Variants in OSBPL6 observed in about 807,000 individuals in gnomAD.
The protein encoded by OSBPL6 is oxysterol-binding protein-related protein 6.
Under a neutral mutation model 125.8 loss-of-function variants are expected in OSBPL6, and 49 were observed. The observed-to-expected ratio is 0.39, with a 90% CI of 0.31 to 0.49. The LOEUF (loss-of-function observed/expected upper bound fraction) is 0.49, where lower values mean the gene tolerates loss of function less well. Among genes scored for constraint, OSBPL6 ranks in the 20% least tolerant of loss-of-function variants. The pLI is 0.88. For missense variants in OSBPL6, 986 were observed against 1,135.4 expected (o/e 0.87, Z 1.89); for synonymous variants, 394 against 391.8 (o/e 1.01, Z -0.07).
intron 1 of OSBPL6, among the ~76,000 whole-genome samples, chr2:178,254,761 C>T (rs893341093): frequency 6.6e-6 from 1 of 152,094 alleles, no homozygotes; most frequent in Non-Finnish European, 1.5e-5. Flanking sequence ...AACAGTGCCC[C>T]GAAGTGACTG....
At chr2:178,264,793 T>G (rs2154020173) in intron 1 of OSBPL6, among the ~76,000 whole-genome samples, 1 of 152,276 alleles carries the variant, frequency 6.6e-6, no homozygotes, top group Non-Finnish European at 1.5e-5. Flanking sequence ...TTTTTTAGGA[T>G]TTTGTACTAA....
At chr2:178,205,151 C>T (rs996866264) in intron 1 of OSBPL6, among the ~76,000 whole-genome samples, 8 of 152,166 alleles carry the variant, frequency 5.3e-5, no homozygotes, top group African/African-American at 1.4e-4. Flanking sequence ...CCAATTGGCC[C>T]ATAATGCCTT....
chr2:178,320,456 GA>G, intron 3 of OSBPL6: 5 of 1,536,260 alleles, frequency 3.3e-6, no homozygotes, highest in Non-Finnish European at 4.5e-6. Flanking sequence ...AACTGACCTG[GA>G]AATTAACTTA....
rs2092406194 is a variant in OSBPL6, at chr2:178,273,241, T to C, written c.-350-11686T>C. On this transcript the variant is annotated intron_variant, in intron 1 of 24. Transcript: ENST00000190611. ...TAAGATCATGAAGGATCTCTAATAG[T>C]AGGCTAAGGAATTTCGGCTTTATTC... 2.6e-5 allele frequency among the ~76,000 whole-genome samples: 4 copies of C among 152,168 alleles called. No homozygotes were observed. The South Asian group carries it at 6.2e-4, about 24-fold the overall frequency.
At chr2:178,271,129 A>G (rs1041773294) in intron 1 of OSBPL6, among the ~76,000 whole-genome samples, 2 of 152,202 alleles carry the variant, frequency 1.3e-5, no homozygotes, top group African/African-American at 2.4e-5. Context: ...AAATCAGCCT[A>G]TGACATCAAA....
intron 3 of OSBPL6, chr2:178,320,140 G>A (rs1343880681): frequency 2.9e-5 from 27 of 925,388 alleles, no homozygotes; most frequent in Middle Eastern, 7.0e-4. Context: ...TTCTCTCCGC[G>A]TGAGTTGCAC....
chr2:178,304,959 A>C (rs1177537910), intron 2 of OSBPL6, among the ~76,000 whole-genome samples: 2 of 151,994 alleles, frequency 1.3e-5, no homozygotes, highest in Non-Finnish European at 2.9e-5. Context: ...ATATATCTCC[A>C]TCTTTTTTTG....
rs145266806 is a variant in OSBPL6, at chr2:178,225,358, G to C, written c.-351+30684G>C. ...TCTGCAGATCTCAGACTGAGTATAA[G>C]AGAGATGCAAATTTTACAGTAGTTG... On this transcript the variant is annotated intron_variant, in intron 1 of 24. Coordinates refer to ENST00000190611, the MANE Select transcript of OSBPL6 (RefSeq NM_032523.4). Among the ~76,000 whole-genome samples, 838 of 152,300 alleles carry C rather than the reference G, an allele frequency of 5.5e-3. 8 individuals carry two copies. Among genetic ancestry groups the C allele is most frequent in the African/African-American group, 0.019 (800 of 41,558 alleles).
At chr2:178,281,015 T>A (rs1487871593) in intron 1 of OSBPL6, among the ~76,000 whole-genome samples, 1 of 151,142 alleles carries the variant, frequency 6.6e-6, no homozygotes, top group Non-Finnish European at 1.5e-5. Context: ...TTTGACTTTT[T>A]TTTTTTTTTT....
intron 1 of OSBPL6, among the ~76,000 whole-genome samples, chr2:178,204,424 T>C (rs766890756): frequency 6.6e-6 from 1 of 152,218 alleles, no homozygotes; most frequent in Non-Finnish European, 1.5e-5. Context: ...TTTTCTGAAC[T>C]GTCAGCTCAA....
At chr2:178,217,473 C>T (rs1158815968) in intron 1 of OSBPL6, among the ~76,000 whole-genome samples, 1 of 152,106 alleles carries the variant, frequency 6.6e-6, no homozygotes, top group East Asian at 1.9e-4. Flanking sequence ...GAAAATTTAG[C>T]ACACAGACAC....
At chr2:178,197,031 A>ATTTT (rs5836646) in intron 1 of OSBPL6, among the ~76,000 whole-genome samples, 1 of 140,938 alleles carries the variant, frequency 7.1e-6, no homozygotes, top group Non-Finnish European at 1.5e-5. Context: ...CTCTCTGACC[A>ATTTT]TTTTTTTTTT....
intron 2 of OSBPL6, among the ~76,000 whole-genome samples, chr2:178,285,775 C>T (rs1159558931): frequency 6.6e-6 from 1 of 152,174 alleles, no homozygotes; most frequent in East Asian, 1.9e-4. Context: ...GTCAGCCATC[C>T]CCAGGGTGGA....
intron 13 of OSBPL6, among the ~76,000 whole-genome samples, chr2:178,368,130 A>G (rs544190998): frequency 5.0e-4 from 76 of 152,342 alleles, no homozygotes; most frequent in African/African-American, 1.7e-3. Flanking sequence ...TTATAGAAAC[A>G]TGGTATTATT....
Position 178,383,900 on chromosome 2 carries a change from G to T in OSBPL6, c.1876-139G>T, listed in dbSNP as rs547673631. The T allele has an allele frequency of 2.0e-3, 2,125 of 1,040,952 alleles. 5 individuals are homozygous for T. Among genetic ancestry groups the T allele is most frequent in the Middle Eastern group, 2.9e-3 (9 of 3,074 alleles). The allele number at this position is 1,040,952 out of a possible 1,614,324, so 64.5% of individuals were successfully genotyped here. ...TTCCCCATGAGTTGATAAAAATTCT[G>T]TACAGACAATAGAAAATGCAACTGT... On this transcript the variant is annotated intron_variant, in intron 17 of 24. Transcript: ENST00000190611.
chr2:178,368,747 TA>T (rs1344373600), intron 13 of OSBPL6, among the ~76,000 whole-genome samples: 2 of 151,508 alleles, frequency 1.3e-5, no homozygotes, highest in East Asian at 3.9e-4. Flanking sequence ...AAATTAAATG[TA>T]AAAAAATTAA....
intron 11 of OSBPL6, among the ~76,000 whole-genome samples, chr2:178,346,749 A>C (rs559113668): frequency 6.6e-6 from 1 of 152,348 alleles, no homozygotes; most frequent in South Asian, 2.1e-4. Context: ...AGCTAAGTAA[A>C]TAAGTCCCCA....
chr2:178,304,436 T>C (rs1379716921), intron 2 of OSBPL6, among the ~76,000 whole-genome samples: 1 of 152,042 alleles, frequency 6.6e-6, no homozygotes, highest in Non-Finnish European at 1.5e-5. Context: ...TACAAAACCA[T>C]CAGGTCTGAC....
chr2:178,319,499 A>G (rs1688052230), intron 3 of OSBPL6, among the ~76,000 whole-genome samples: 1 of 152,202 alleles, frequency 6.6e-6, no homozygotes. Context: ...GCTTGACTCG[A>G]GTAAAATCTT....
Sources: gnomAD v4.1 joint callset for allele counts (sites outside exome capture counted in the v4.1 genomes callset) on GRCh38, gnomAD v4.1.1 for gene constraint, MANE v1.5 for transcripts, NCBI Gene and HGNC (gene_info 2026-07-23, HGNC 2026-07-21) for gene names.